OSBPL9: variants seen among roughly 807,000 people sequenced by gnomAD.
The protein encoded by OSBPL9 is oxysterol binding protein like 9.
Under a neutral mutation model 106.6 loss-of-function variants are expected in OSBPL9, and 40 were observed. That is an observed-to-expected ratio of 0.38 (90% CI 0.29 to 0.49). The LOEUF (loss-of-function observed/expected upper bound fraction) is 0.49, where lower values mean the gene tolerates loss of function less well. OSBPL9 is among the 20% of genes least tolerant of loss of function. The pLI, the probability that OSBPL9 is intolerant of heterozygous loss-of-function variation, is 0.97. For missense variants in OSBPL9, 609 were observed against 887.2 expected (o/e 0.69, Z 3.98); for synonymous variants, 269 against 295.4 (o/e 0.91, Z 0.92).
intron 4 of OSBPL9, among the ~76,000 whole-genome samples, chr1:51,730,947 CT>C (rs543649096): frequency 4.2e-4 from 64 of 152,204 alleles, no homozygotes; most frequent in South Asian, 1.0e-3. Context: ...AATAATCTCT[CT>C]TGAACACTGC....
intron 1 of OSBPL9, among the ~76,000 whole-genome samples, chr1:51,579,471 G>T (rs1043448976): frequency 1.3e-5 from 2 of 152,120 alleles, no homozygotes; most frequent in African/African-American, 4.8e-5. Context: ...ATATGTATTT[G>T]CTGCCTTTAT....
At chr1:51,675,272 A>G (rs1650898994) in intron 3 of OSBPL9, among the ~76,000 whole-genome samples, 1 of 152,166 alleles carries the variant, frequency 6.6e-6, no homozygotes, top group Non-Finnish European at 1.5e-5. Context: ...GATAGCTGCC[A>G]CTTAGTTCCA....
chr1:51,637,481 T>A (rs1034467500), intron 1 of OSBPL9, among the ~76,000 whole-genome samples: 21 of 151,846 alleles, frequency 1.4e-4, no homozygotes, highest in Non-Finnish European at 2.2e-4. Context: ...CTCAAAAAAA[T>A]AAATAAATAA....
At chr1:51,595,240 T>A (rs923744452) in intron 1 of OSBPL9, among the ~76,000 whole-genome samples, 3 of 151,308 alleles carry the variant, frequency 2.0e-5, no homozygotes, top group Non-Finnish European at 4.4e-5. Context: ...AGTTAGGGAG[T>A]GGAATGGGCA....
intron 1 of OSBPL9, among the ~76,000 whole-genome samples, chr1:51,637,365 C>T (rs370638604): frequency 2.6e-4 from 39 of 152,234 alleles, no homozygotes; most frequent in African/African-American, 8.9e-4. Flanking sequence ...TGGCGCATGC[C>T]TTTAATCCCA....
chr1:51,563,634 C>T, the OSBPL9 span: 4 of 152,216 alleles, frequency 2.6e-5, no homozygotes, highest in South Asian at 2.1e-4. Context: ...CCTTATACTT[C>T]GGATTTGGCA....
At chr1:51,786,679 C>A in intron 22 of OSBPL9, 62 bp downstream of exon 22, 1 of 1,392,534 alleles carries the variant, frequency 7.2e-7, no homozygotes, top group Non-Finnish European at 1.0e-6. Flanking sequence ...TAGGCGTAGG[C>A]ACAGGGCTGG....
Position 51,787,843 on chromosome 1 carries a change from C to A in OSBPL9, c.*54C>A. 1 of 1,453,214 alleles carries A rather than the reference C, an allele frequency of 6.9e-7. No homozygotes were observed. Among genetic ancestry groups the A allele is most frequent in the Non-Finnish European group, 9.7e-7 (1 of 1,036,084 alleles). The allele number at this position is 1,453,214 out of a possible 1,614,324, so 90.0% of individuals were successfully genotyped here. A position where few individuals can be genotyped will look rare whatever the true frequency, so the allele number is the denominator to read the frequency against. ...GATCAGGGCAGTAGGCATAATTCAG[C>A]AACAAACAATCTTCCTTTGGGAGAA... On this transcript the variant is annotated 3_prime_UTR_variant, in exon 24 of 24. Coordinates refer to ENST00000428468, the MANE Select transcript of OSBPL9 (RefSeq NM_024586.6).
intron 9 of OSBPL9, chr1:51,759,542 A>G (rs1182694000): frequency 6.6e-6 from 1 of 152,116 alleles, no homozygotes; most frequent in Non-Finnish European, 1.5e-5. Flanking sequence ...GCACTACTTA[A>G]TATATATGTG....
upstream of OSBPL9, among the ~76,000 whole-genome samples, chr1:51,574,756 C>A (rs374967207): frequency 2.6e-5 from 4 of 152,160 alleles, no homozygotes; most frequent in Admixed American, 6.5e-5. Context: ...TCATCCCTTA[C>A]ACATATTTAT....
the OSBPL9 span, among the ~76,000 whole-genome samples, chr1:51,565,242 C>G: frequency 6.6e-6 from 1 of 152,310 alleles, no homozygotes; most frequent in Admixed American, 6.5e-5. Context: ...TGAGGCCCTT[C>G]CTGGCCTGGC....
At position 51,729,831 on chromosome 1, in the gene OSBPL9, G is replaced by C; in HGVS notation, c.319-15705G>C. 3 of 1,244,932 alleles carry C rather than the reference G, an allele frequency of 2.4e-6. No homozygotes were observed. Among genetic ancestry groups the C allele is most frequent in the Non-Finnish European group, 3.0e-6 (3 of 987,476 alleles). 77.1% of individuals were successfully genotyped at this position (1,244,932 alleles called of 1,614,324 possible). A position where few individuals can be genotyped will look rare whatever the true frequency, so the allele number is the denominator to read the frequency against. ...GTGGGGGGTGAAGGGGGTGAAGGGG[G>C]TGTCCCGGGGGACGGGCTGAACCTC... is the stretch of plus-strand genomic sequence containing the variant. On this transcript the variant is annotated intron_variant, in intron 4 of 23. Coordinates refer to ENST00000428468, the MANE Select transcript of OSBPL9 (RefSeq NM_024586.6). The surrounding 1 kb of genome is among the most constrained non-coding windows in gnomAD (Gnocchi z 5.1).
At chr1:51,713,299 G>A (rs973361579) in intron 3 of OSBPL9, among the ~76,000 whole-genome samples, 20 of 151,900 alleles carry the variant, frequency 1.3e-4, no homozygotes, top group African/African-American at 3.9e-4. Context: ...ACAGGGACCC[G>A]CCACCATGCC....
chr1:51,648,704 G>C (rs767049058), intron 1 of OSBPL9, among the ~76,000 whole-genome samples: 1 of 152,178 alleles, frequency 6.6e-6, no homozygotes, highest in Non-Finnish European at 1.5e-5. Context: ...ATCTCCAACT[G>C]TGCAACTCAG....
chr1:51,731,932 C>G (rs1664555205), intron 4 of OSBPL9, among the ~76,000 whole-genome samples: 1 of 152,106 alleles, frequency 6.6e-6, no homozygotes, highest in African/African-American at 2.4e-5. Context: ...TTGGAAGTGC[C>G]CTTCAGTAAA....
chr1:51,744,730 G>A (rs1475714969), intron 4 of OSBPL9, among the ~76,000 whole-genome samples: 2 of 152,058 alleles, frequency 1.3e-5, no homozygotes, highest in African/African-American at 4.8e-5. Context: ...ATGATGACTG[G>A]GCATGAAAAT....
At chr1:51,564,433 G>C in the OSBPL9 span, among the ~76,000 whole-genome samples, 2 of 152,058 alleles carry the variant, frequency 1.3e-5, no homozygotes, top group Admixed American at 1.3e-4. Context: ...TTGTATCCCA[G>C]TATGCTCCCA....
chr1:51,555,898 T>A, the OSBPL9 span, among the ~76,000 whole-genome samples: 1 of 152,244 alleles, frequency 6.6e-6, no homozygotes, highest in East Asian at 1.9e-4. Context: ...GATCATGTAC[T>A]ATAGTTCTCT....
At chr1:51,697,224 A>G (rs1656224989) in intron 3 of OSBPL9, among the ~76,000 whole-genome samples, 1 of 151,974 alleles carries the variant, frequency 6.6e-6, no homozygotes. Flanking sequence ...TCACCAAACG[A>G]TATACTACCC....
Sources: allele counts gnomAD v4.1 joint callset (sites outside exome capture counted in the v4.1 genomes callset), GRCh38; gene constraint gnomAD v4.1.1; non-coding constraint Gnocchi (gnomAD v3.1); transcripts MANE v1.5; gene names NCBI Gene and HGNC (gene_info 2026-07-23, HGNC 2026-07-21).